AGPS: variants seen among roughly 807,000 people sequenced by gnomAD.
AGPS encodes the protein alkylglycerone phosphate synthase, also known as alkyldihydroxyacetonephosphate synthase, peroxisomal.
AGPS carries 26 observed loss-of-function variants against 90.7 expected under a neutral mutation model. The ratio of observed to expected loss-of-function variants is 0.29; its 90% confidence interval spans 0.21 to 0.40. The LOEUF is 0.40. Among genes scored for constraint, AGPS ranks in the 10% least tolerant of loss-of-function variants. The pLI is 1.00. For missense variants in AGPS, 540 were observed against 816.1 expected, an observed-to-expected ratio of 0.66 and a Z score of 4.12; for synonymous variants, 294 against 285.3, an observed-to-expected ratio of 1.03 and a Z score of -0.31.
Position 177,524,396 on chromosome 2 carries a change from A to G in AGPS, c.1855+591A>G, listed in dbSNP as rs1211138334. Among the ~76,000 whole-genome samples, 3 of 152,350 alleles carry G rather than the reference A, an allele frequency of 2.0e-5. No homozygotes were observed. The South Asian group carries it at 6.2e-4, about 32-fold the overall frequency. ...GTCTATCTTTGTTACTAGCATGCTT[A>G]TGAAAATAATGAGGCAACCCTTTAA... On this transcript the variant is annotated intron_variant, in intron 19 of 19. Coordinates refer to ENST00000264167, the MANE Select transcript of AGPS (RefSeq NM_003659.4).
rs536888150 is a variant in AGPS, at chr2:177,524,438, A to G, written c.1855+633A>G. On this transcript the variant is annotated intron_variant, in intron 19 of 19. Transcript: ENST00000264167. The stretch of plus-strand genomic sequence containing the variant: ...ACCCTTTAAAACTTAAACAATGGCC[A>G]TTCTGTTATTAAAATGGCAATGTTT... 5.8e-4 allele frequency among the ~76,000 whole-genome samples: 88 copies of G among 152,328 alleles called. No individual in the cohort carries two copies. The Middle Eastern group carries it at 0.01, about 18-fold the overall frequency.
intron 2 of AGPS, among the ~76,000 whole-genome samples, chr2:177,429,149 C>A (rs1378139313): frequency 1.3e-5 from 2 of 152,136 alleles, no homozygotes; most frequent in African/African-American, 4.8e-5. Context: ...TTGTGTTTTT[C>A]AGCTGCATCA....
At chr2:177,530,253 T>C (rs2079126591) in intron 19 of AGPS, among the ~76,000 whole-genome samples, 1 of 152,232 alleles carries the variant, frequency 6.6e-6, no homozygotes, top group African/African-American at 2.4e-5. Flanking sequence ...CTTCACAGTA[T>C]TGGCTATGAA....
intron 1 of AGPS, among the ~76,000 whole-genome samples, chr2:177,401,261 A>G (rs1685322774): frequency 6.6e-6 from 1 of 152,176 alleles, no homozygotes; most frequent in Non-Finnish European, 1.5e-5. Flanking sequence ...GCTTTCTCAT[A>G]TCTCATAGTG....
chr2:177,528,348 C>T (rs547812780), intron 19 of AGPS, among the ~76,000 whole-genome samples: 27 of 152,340 alleles, frequency 1.8e-4, no homozygotes, highest in African/African-American at 6.3e-4. Context: ...AAAATGAAAA[C>T]TCCTTATCAT....
At chr2:177,451,834 T>C (rs1172575784) in intron 8 of AGPS, among the ~76,000 whole-genome samples, 2 of 152,188 alleles carry the variant, frequency 1.3e-5, no homozygotes, top group Non-Finnish European at 2.9e-5. Context: ...CAGTGCTGAT[T>C]TTTTCCCAAT....
chr2:177,439,005 A>C (rs928666286), intron 5 of AGPS, among the ~76,000 whole-genome samples: 1 of 97,312 alleles, frequency 1.0e-5, no homozygotes, highest in African/African-American at 3.7e-5. Context: ...CACACACACA[A>C]CTGGAAATCT....
chr2:177,511,060 A>G (rs1209055193), intron 16 of AGPS, among the ~76,000 whole-genome samples: 1 of 152,148 alleles, frequency 6.6e-6, no homozygotes, highest in Non-Finnish European at 1.5e-5. Flanking sequence ...TACAGTCTAT[A>G]AAAATAGATA....
chr2:177,489,016 T>A (rs990831229), intron 11 of AGPS, among the ~76,000 whole-genome samples: 7 of 152,168 alleles, frequency 4.6e-5, no homozygotes, highest in Non-Finnish European at 7.3e-5. Flanking sequence ...CAAGTTCTGA[T>A]TTTTTCTGTG....
At chr2:177,457,811 G>C (rs933796092) in intron 8 of AGPS, among the ~76,000 whole-genome samples, 1 of 152,158 alleles carries the variant, frequency 6.6e-6, no homozygotes, top group African/African-American at 2.4e-5. Context: ...TAGAAAAAGA[G>C]GGACTCCTCC....
At chr2:177,434,206 A>T in intron 2 of AGPS, 121 bp from the exon 3 acceptor site, 1 of 704,590 alleles carries the variant, frequency 1.4e-6, no homozygotes, top group Non-Finnish European at 2.4e-6. Context: ...CAGAGTTTAT[A>T]GTTACATGTG....
At chr2:177,488,925 A>G (rs1197884227) in intron 11 of AGPS, among the ~76,000 whole-genome samples, 2 of 152,092 alleles carry the variant, frequency 1.3e-5, no homozygotes, top group Non-Finnish European at 2.9e-5. Flanking sequence ...AGACATGTGA[A>G]ATATATGTTA....
At chr2:177,423,824 G>A (rs1326248451) in intron 2 of AGPS, among the ~76,000 whole-genome samples, 1 of 152,058 alleles carries the variant, frequency 6.6e-6, no homozygotes, top group African/African-American at 2.4e-5. Flanking sequence ...TAATTTATCA[G>A]TTTATAAATC....
At chr2:177,458,148 G>T (rs1198139101) in intron 8 of AGPS, among the ~76,000 whole-genome samples, 2 of 152,086 alleles carry the variant, frequency 1.3e-5, no homozygotes, top group East Asian at 3.9e-4. Flanking sequence ...ACCCCTTCAT[G>T]CTAAAAACTC....
intron 8 of AGPS, among the ~76,000 whole-genome samples, chr2:177,446,956 T>G (rs1319025777): frequency 6.6e-6 from 1 of 152,210 alleles, no homozygotes; most frequent in East Asian, 1.9e-4. Flanking sequence ...ACTTTAGGTT[T>G]CTTTCATAGA....
intron 1 of AGPS, among the ~76,000 whole-genome samples, chr2:177,401,088 T>TTATCCAGTATCATAGCCAC (rs1482626153): frequency 6.6e-6 from 1 of 152,238 alleles, no homozygotes; most frequent in East Asian, 1.9e-4. Flanking sequence ...GTAATCTGTG[T>TTATCCAGTATCATAGCCAC]TATCCAGTAT....
intron 8 of AGPS, among the ~76,000 whole-genome samples, chr2:177,457,589 T>G (rs1185783967): frequency 6.6e-6 from 1 of 152,072 alleles, no homozygotes; most frequent in Admixed American, 6.5e-5. Context: ...CTAGAAGAAA[T>G]GGATAAATTC....
intron 11 of AGPS, among the ~76,000 whole-genome samples, chr2:177,491,174 A>C (rs565728294): frequency 6.6e-6 from 1 of 152,024 alleles, no homozygotes; most frequent in East Asian, 1.9e-4. Context: ...ACTTTACAGC[A>C]CTTAACCTAA....
Position 177,491,305 on chromosome 2 carries a change from C to T in AGPS, c.1234-1843C>T, listed in dbSNP as rs556813269. ...TTTTTGAGACAGAGTCTCGCTCTGT[C>T]GCCCAGCAGGCTGGAGTGCAGTGGT... is the stretch of plus-strand genomic sequence containing the variant. On this transcript the variant is annotated intron_variant, in intron 11 of 19. Transcript: ENST00000264167. Among the ~76,000 whole-genome samples, 34 of 150,466 alleles carry T rather than the reference C, an allele frequency of 2.3e-4. No individual in the cohort carries two copies. The South Asian group carries it at 6.4e-3, about 28-fold the overall frequency.
Sources: allele counts gnomAD v4.1 joint callset (sites outside exome capture counted in the v4.1 genomes callset), GRCh38; gene constraint gnomAD v4.1.1; transcripts MANE v1.5; gene names NCBI Gene and HGNC (gene_info 2026-07-23, HGNC 2026-07-21).